The following SP140L variants were observed in gnomAD, a reference collection of about 807,000 sequenced individuals.
SP140L encodes SP140 like nuclear body protein, also known as nuclear body protein SP140-like protein.
SP140L carries 64 observed loss-of-function variants against 84.3 expected under a neutral mutation model. That is an observed-to-expected ratio of 0.76 (90% CI 0.62 to 0.94). The LOEUF (loss-of-function observed/expected upper bound fraction) is 0.94, where lower values mean the gene tolerates loss of function less well. Among genes scored for constraint, SP140L ranks in the 40% least tolerant of loss-of-function variants. The pLI is 0.00. For synonymous variants in SP140L, 242 were observed against 236.9 expected, an observed-to-expected ratio of 1.02 and a Z score of -0.20; for missense variants, 628 against 692.5, an observed-to-expected ratio of 0.91 and a Z score of 1.05.
At chr2:230,370,412 C>A (rs2061025762) in intron 5 of SP140L, among the ~76,000 whole-genome samples, 2 of 152,070 alleles carry the variant, frequency 1.3e-5, no homozygotes, top group African/African-American at 2.4e-5. Flanking sequence ...CTCCAGACCC[C>A]AGAAAGGAAT....
chr2:230,379,399 G>T (rs1233545657), intron 7 of SP140L, among the ~76,000 whole-genome samples: 1 of 151,838 alleles, frequency 6.6e-6, no homozygotes, highest in Admixed American at 6.6e-5. Flanking sequence ...TATTAATCAT[G>T]CCCCAAACCC....
At chr2:230,359,208 A>G in intron 4 of SP140L, 76 bp downstream of exon 4, 6 of 1,299,536 alleles carry the variant, frequency 4.6e-6, no homozygotes, top group Admixed American at 3.9e-5. Flanking sequence ...AGCTCCTACC[A>G]TGTGCGATAC....
At chr2:230,346,474 C>T (rs2060212185) in intron 2 of SP140L, among the ~76,000 whole-genome samples, 1 of 152,142 alleles carries the variant, frequency 6.6e-6, no homozygotes, top group Non-Finnish European at 1.5e-5. Flanking sequence ...TGACTTTCTG[C>T]TCATTTTTCT....
rs202217365 is a variant in SP140L at position 230,389,873 on chromosome 2, T to A, written c.860-46T>A. The A allele has an allele frequency of 3.9e-4, 612 of 1,573,308 alleles. 1 individual carries two copies. Among genetic ancestry groups the A allele is most frequent in the Middle Eastern group, 2.1e-4 (1 of 4,866 alleles). ...GATTTACCTCAGTGGGAAGGGGGGA[T>A]GTGCCTTTGCAAAGTGAGACAGAAT... On this transcript the variant is annotated intron_variant, in intron 10 of 18. Coordinates refer to ENST00000415673, the MANE Select transcript of SP140L (RefSeq NM_138402.6).
chr2:230,374,360 G>T (rs1464085935), intron 7 of SP140L, among the ~76,000 whole-genome samples: 1 of 151,834 alleles, frequency 6.6e-6, no homozygotes, highest in South Asian at 2.1e-4. Context: ...TGACTGAATC[G>T]CTGTGATCTC....
chr2:230,386,142 G>T (rs957870015), intron 9 of SP140L, among the ~76,000 whole-genome samples: 1 of 152,206 alleles, frequency 6.6e-6, no homozygotes, highest in African/African-American at 2.4e-5. Flanking sequence ...CTGGGTGTGA[G>T]TGAAGGGCTG....
chr2:230,361,707 A>G lies in SP140L; in HGVS notation c.523+10A>G, dbSNP rs201707247. 3.2e-6 allele frequency: 5 copies of G among 1,550,924 alleles called. No individual in the cohort carries two copies. The African/African-American group carries it at 5.5e-5, about 17-fold the overall frequency. ...CTAAGTCTTAAACAAGGTAAAAATG[A>G]CAGAATAAAAACGGTTTCTCATCCG... On this transcript the variant is annotated intron_variant, in intron 5 of 18. Coordinates refer to ENST00000415673, the MANE Select transcript of SP140L (RefSeq NM_138402.6).
Position 230,383,535 on chromosome 2 carries a change from C to A in SP140L, c.663C>A (p.Ser221Arg). The A allele has an allele frequency of 6.2e-7, 1 of 1,606,466 alleles. No individual in the cohort carries two copies. The highest frequency in any genetic ancestry group is 1.7e-5 in the Admixed American group (1 of 59,116). Residue 221 changes from serine to arginine, a missense_variant, in exon 8 of 19, where the codon AGC (serine) becomes AGA (arginine). By Grantham distance (110) the Ser-to-Arg change is moderately radical. Transcript: ENST00000415673. Reference sequence around the variant, plus strand: ...GAAAAAAGAAGGGGCATGGCTGGAGCAGAATGGGAACGAGAACGCAGAAAA... The same window carrying A: ...GAAAAAAGAAGGGGCATGGCTGGAGAAGAATGGGAACGAGAACGCAGAAAA... ...KRRKKKGHGW[S>R]RMGTRTQKNN...
rs1338761855 is a variant in SP140L at position 230,403,693 on chromosome 2, G to A, written c.*797G>A. The A allele has an allele frequency of 3.3e-5, 5 of 152,180 alleles. No individual in the cohort carries two copies. The highest frequency in any genetic ancestry group is 1.2e-4 in the African/African-American group (5 of 41,438). The allele number at this position is 152,180 out of a possible 1,614,324, so 9.4% of individuals were successfully genotyped here. A position where few individuals can be genotyped will look rare whatever the true frequency, so the allele number is the denominator to read the frequency against. Reference sequence around the variant, plus strand: ...GAGTCTCATATTTCGTGGAACTCCTGTGCAAACATATATTATTAAATTTTT... The same window carrying A: ...GAGTCTCATATTTCGTGGAACTCCTATGCAAACATATATTATTAAATTTTT... On this transcript the variant is annotated 3_prime_UTR_variant, in exon 19 of 19. Transcript: ENST00000415673.
chr2:230,345,326 C>T (rs1461937979), intron 2 of SP140L, among the ~76,000 whole-genome samples: 5 of 152,236 alleles, frequency 3.3e-5, no homozygotes, highest in Middle Eastern at 3.4e-3. Context: ...CCACTGCTTT[C>T]GTTTGGTCAC....
chr2:230,342,478 A>G (rs1468019708), intron 2 of SP140L, among the ~76,000 whole-genome samples: 1 of 152,242 alleles, frequency 6.6e-6, no homozygotes, highest in Non-Finnish European at 1.5e-5. Context: ...TGGGAGCTGT[A>G]GACCGGAGCT....
chr2:230,366,742 A>T (rs997263880), intron 5 of SP140L, among the ~76,000 whole-genome samples: 1 of 144,030 alleles, frequency 6.9e-6, no homozygotes, highest in African/African-American at 2.5e-5. Context: ...TATTATTATT[A>T]TTATTTTTGG....
At chr2:230,328,934 A>AT (rs1345320582) in intron 2 of SP140L, 103 bp downstream of exon 2, 2 of 1,435,070 alleles carry the variant, frequency 1.4e-6, no homozygotes, top group African/African-American at 2.9e-5. Flanking sequence ...CTCTTCCATA[A>AT]TTTTTTTGTT....
intron 2 of SP140L, among the ~76,000 whole-genome samples, chr2:230,349,696 A>G (rs2060308153): frequency 6.6e-6 from 1 of 152,176 alleles, no homozygotes; most frequent in Non-Finnish European, 1.5e-5. Context: ...TCATTGAATA[A>G]GTTATGGGGG....
chr2:230,381,935 G>A (rs1481351778), intron 7 of SP140L, among the ~76,000 whole-genome samples: 2 of 152,194 alleles, frequency 1.3e-5, no homozygotes, highest in African/African-American at 4.8e-5. Flanking sequence ...CAATTGTTGA[G>A]CTTCCCTGAG....
rs146075156 is a variant in SP140L, at chr2:230,390,212, C to T, written c.964+189C>T. ...AAATCACACCCATTAGACGCTGACT[C>T]GCACATGGAGTGTCCAGGGGGTACC... On this transcript the variant is annotated intron_variant, in intron 11 of 18. Coordinates refer to ENST00000415673, the MANE Select transcript of SP140L (RefSeq NM_138402.6). Among the ~76,000 whole-genome samples, 185 of 152,284 alleles carry T rather than the reference C, an allele frequency of 1.2e-3. 2 individuals are homozygous for T. Among genetic ancestry groups the T allele is most frequent in the African/African-American group, 4.3e-3 (179 of 41,556 alleles).
Position 230,357,859 on chromosome 2 carries a change from C to G in SP140L, c.162C>G (p.Phe54Leu). Reference sequence around the variant, plus strand: ...AGGGACTTGTCTATGACACTGTATTCAAGCACTTCAAAAGACATAAGCTGG... The same window carrying G: ...AGGGACTTGTCTATGACACTGTATTGAAGCACTTCAAAAGACATAAGCTGG... ...VDEGLVYDTVFKHFKRHKLEI... is the reference protein window; with the variant it reads ...VDEGLVYDTVLKHFKRHKLEI... The change falls in exon 3 of 19, where the codon TTC becomes TTG. Residue 54 changes from phenylalanine to leucine, a missense_variant. Physicochemically the swap from Phe to Leu is conservative, Grantham distance 22. Coordinates refer to ENST00000415673, the MANE Select transcript of SP140L (RefSeq NM_138402.6). The G allele has an allele frequency of 1.2e-6, 2 of 1,614,040 alleles. No homozygotes were observed. Among genetic ancestry groups the G allele is most frequent in the Non-Finnish European group, 1.7e-6 (2 of 1,179,946 alleles).
intron 13 of SP140L, 104 bp from the exon 14 acceptor site, chr2:230,396,653 C>A: frequency 2.2e-6 from 3 of 1,359,052 alleles, no homozygotes; most frequent in Non-Finnish European, 3.0e-6. Context: ...TTTTTTACAA[C>A]TGGTTCCTGA....
At chr2:230,342,770 T>C (rs569336656) in intron 2 of SP140L, among the ~76,000 whole-genome samples, 2 of 152,326 alleles carry the variant, frequency 1.3e-5, no homozygotes, top group Non-Finnish European at 2.9e-5. Context: ...TTTTAAGTTC[T>C]GTCTCTTATT....
Sources: gnomAD v4.1 joint callset for allele counts (sites outside exome capture counted in the v4.1 genomes callset) on GRCh38, gnomAD v4.1.1 for gene constraint, MANE v1.5 for transcripts, NCBI Gene and HGNC (gene_info 2026-07-23, HGNC 2026-07-21) for gene names.